Variants in ASXL3 observed in about 807,000 individuals in gnomAD.
ASXL3 encodes the protein ASXL transcriptional regulator 3, also known as putative Polycomb group protein ASXL3.
A neutral mutation model predicts 170.6 loss-of-function variants in ASXL3; 34 were observed. The ratio of observed to expected loss-of-function variants is 0.20; its 90% CI spans 0.15 to 0.27. ASXL3 has a LOEUF of 0.27. Among genes scored for constraint, ASXL3 ranks in the 10% least tolerant of loss-of-function variants. The pLI is 1.00. For synonymous variants in ASXL3, 1,002 were observed against 989.1 expected, an observed-to-expected ratio of 1.01 and a Z score of -0.24; for missense variants, 2,592 against 2,695.3, an observed-to-expected ratio of 0.96 and a Z score of 0.85.
chr18:33,653,007 A>G (rs2066026727), intron 4 of ASXL3, among the ~76,000 whole-genome samples: 1 of 152,076 alleles, frequency 6.6e-6, no homozygotes. Context: ...GCAATTTTAT[A>G]CAAGGCTACA....
At chr18:33,708,120 A>G (rs1373975143) in intron 8 of ASXL3, among the ~76,000 whole-genome samples, 2 of 152,162 alleles carry the variant, frequency 1.3e-5, no homozygotes, top group African/African-American at 4.8e-5. Flanking sequence ...TGGTAATACA[A>G]GTAATGATGC....
intron 2 of ASXL3, among the ~76,000 whole-genome samples, chr18:33,612,184 C>CAT (rs112285121): frequency 0.098 from 14,685 of 149,950 alleles, 935 homozygotes; most frequent in African/African-American, 0.18. Context: ...TAAAATTAAA[C>CAT]ATATATATAT....
intron 7 of ASXL3, among the ~76,000 whole-genome samples, chr18:33,683,066 T>C (rs920232420): frequency 5.3e-5 from 8 of 152,174 alleles, no homozygotes; most frequent in Non-Finnish European, 7.3e-5. Flanking sequence ...TTGTAGTTGT[T>C]ACTATTCAGG....
intron 1 of ASXL3, among the ~76,000 whole-genome samples, chr18:33,593,594 C>T (rs967865144): frequency 5.9e-5 from 9 of 152,286 alleles, no homozygotes; most frequent in Admixed American, 4.6e-4. Flanking sequence ...AGACGAGCGA[C>T]GTTTGTCCAG....
chr18:33,597,804 A>C (rs553700135), intron 1 of ASXL3, among the ~76,000 whole-genome samples: 1 of 149,474 alleles, frequency 6.7e-6, no homozygotes, highest in South Asian at 2.1e-4. Flanking sequence ...AAAAAAAAAA[A>C]AACAAAAAAA....
chr18:33,723,544 G>A (rs1259608034), intron 8 of ASXL3, among the ~76,000 whole-genome samples: 3 of 152,070 alleles, frequency 2.0e-5, no homozygotes, highest in Non-Finnish European at 4.4e-5. Flanking sequence ...ACAAGTGAGG[G>A]GTTGCTTCTT....
At chr18:33,737,853 T>C (rs2067573956) in intron 10 of ASXL3, among the ~76,000 whole-genome samples, 1 of 152,172 alleles carries the variant, frequency 6.6e-6, no homozygotes, top group African/African-American at 2.4e-5. Context: ...CATCTTCCGT[T>C]CATCTTAATT....
intron 10 of ASXL3, among the ~76,000 whole-genome samples, chr18:33,737,894 T>A (rs1421951934): frequency 6.6e-6 from 1 of 152,162 alleles, no homozygotes; most frequent in African/African-American, 2.4e-5. Context: ...CTGAAAACTA[T>A]ATAATTTTCT....
chr18:33,677,012 C>G (rs1330135667), intron 7 of ASXL3, among the ~76,000 whole-genome samples: 1 of 152,152 alleles, frequency 6.6e-6, no homozygotes, highest in Non-Finnish European at 1.5e-5. Context: ...TTGACCTAAA[C>G]TAGTTTTAAT....
Position 33,743,219 on chromosome 18 carries a change from C to G in ASXL3, c.3371C>G (p.Ser1124Cys), listed in dbSNP as rs979454747. The stretch of plus-strand genomic sequence containing the variant: ...GCTCGAGCCCATCTCTTCCAGACCT[C>G]TAAAGAGACCCGGTTGCCTCCTCCG... ...HQARAHLFQT[S>C]KETRLPPPLS... Residue 1124 changes from serine to cysteine, a missense_variant, in exon 12 of 12, where the codon TCT becomes TGT. By Grantham distance (112) the Ser-to-Cys change is moderately radical. Coordinates refer to ENST00000269197, the MANE Select transcript of ASXL3 (RefSeq NM_030632.3). The G allele has an allele frequency of 1.9e-6, 3 of 1,613,856 alleles. No individual in the cohort carries two copies. The Admixed American group carries it at 5.0e-5, about 27-fold the overall frequency.
intron 5 of ASXL3, among the ~76,000 whole-genome samples, chr18:33,664,823 G>A (rs560444383): frequency 4.1e-4 from 63 of 152,282 alleles, no homozygotes; most frequent in African/African-American, 1.5e-3. Flanking sequence ...GTCCCTTGAC[G>A]ATTGACATGG....
chr18:33,635,984 G>A (rs1245245282), intron 2 of ASXL3, among the ~76,000 whole-genome samples: 1 of 152,138 alleles, frequency 6.6e-6, no homozygotes, highest in Non-Finnish European at 1.5e-5. Context: ...AAACTTGTTG[G>A]AAGTAGTAAG....
chr18:33,688,229 T>C (rs2066629507), intron 8 of ASXL3, among the ~76,000 whole-genome samples: 1 of 152,196 alleles, frequency 6.6e-6, no homozygotes, highest in Non-Finnish European at 1.5e-5. Flanking sequence ...GTGTTCATCA[T>C]CTCCTGAAGT....
At chr18:33,613,796 C>CA (rs2065376009) in intron 2 of ASXL3, among the ~76,000 whole-genome samples, 1 of 151,932 alleles carries the variant, frequency 6.6e-6, no homozygotes, top group African/African-American at 2.4e-5. Flanking sequence ...TGGTACATGC[C>CA]TATAGTTCCA....
At chr18:33,710,308 T>C (rs568043091) in intron 8 of ASXL3, among the ~76,000 whole-genome samples, 2 of 152,218 alleles carry the variant, frequency 1.3e-5, no homozygotes, top group East Asian at 3.9e-4. Context: ...TTGATCAATG[T>C]GTTATTTTTC....
chr18:33,700,704 A>G (rs1217054416), intron 8 of ASXL3, among the ~76,000 whole-genome samples: 1 of 152,102 alleles, frequency 6.6e-6, no homozygotes, highest in Non-Finnish European at 1.5e-5. Flanking sequence ...TCTCTGCTTA[A>G]ATTTTTCCAA....
At chr18:33,697,039 A>C (rs989023693) in intron 8 of ASXL3, among the ~76,000 whole-genome samples, 1 of 152,116 alleles carries the variant, frequency 6.6e-6, no homozygotes, top group Non-Finnish European at 1.5e-5. Flanking sequence ...CTCAATATCT[A>C]TGACTGATCT....
chr18:33,605,331 A>T (rs2065234655), intron 1 of ASXL3: 1 of 151,980 alleles, frequency 6.6e-6, no homozygotes, highest in Non-Finnish European at 1.5e-5. Flanking sequence ...TTCTGTGAAG[A>T]TAATTTCTCC....
rs186436414 is a variant in ASXL3, at chr18:33,643,495, T to C, written c.138-1399T>C. Among the ~76,000 whole-genome samples the C allele has an allele frequency of 4.6e-5, 7 of 152,010 alleles. No individual in the cohort carries two copies. In the East Asian group the frequency reaches 1.4e-3, roughly 29 times the overall value. On this transcript the variant is annotated intron_variant, in intron 2 of 11. Coordinates refer to ENST00000269197, the MANE Select transcript of ASXL3 (RefSeq NM_030632.3). ...GACCAAATTTATATTAAGATTCTTG[T>C]TTCCTGTCAAATTCAATGGAGTCAT... is the stretch of plus-strand genomic sequence containing the variant.
Sources: allele counts gnomAD v4.1 joint callset (sites outside exome capture counted in the v4.1 genomes callset), GRCh38; gene constraint gnomAD v4.1.1; transcripts MANE v1.5; gene names NCBI Gene and HGNC (gene_info 2026-07-23, HGNC 2026-07-21).